NXN: variants seen among roughly 807,000 people sequenced by gnomAD.
The protein encoded by NXN is nucleoredoxin, also known as nucleoredoxin 1.
In NXN, 16 loss-of-function variants were observed where a neutral mutation model predicts 48.6. The observed-to-expected ratio is 0.33, with a 90% confidence interval of 0.22 to 0.50. The LOEUF is 0.50. Among genes scored for constraint, NXN ranks in the 20% least tolerant of loss-of-function variants. The probability of loss-of-function intolerance (pLI) is 0.98; values close to 1 mark genes in which losing one functional copy is unlikely to be tolerated. For synonymous variants in NXN, 281 were observed against 269.6 expected, an observed-to-expected ratio of 1.04 and a Z score of -0.41; for missense variants, 492 against 605.5, an observed-to-expected ratio of 0.81 and a Z score of 1.97.
At chr17:818,190 G>C (rs1453081683) in intron 5 of NXN, among the ~76,000 whole-genome samples, 1 of 152,072 alleles carries the variant, frequency 6.6e-6, no homozygotes, top group Non-Finnish European at 1.5e-5. Context: ...GAGCCCTGGA[G>C]GCAGAGGTTG....
chr17:893,303 G>A (rs2068443305), intron 1 of NXN, among the ~76,000 whole-genome samples: 1 of 152,200 alleles, frequency 6.6e-6, no homozygotes, highest in Non-Finnish European at 1.5e-5. Flanking sequence ...AATCTTTTTA[G>A]GGGAGAAAGC....
At chr17:930,697 T>C (rs2068844046) in intron 1 of NXN, among the ~76,000 whole-genome samples, 1 of 151,712 alleles carries the variant, frequency 6.6e-6, no homozygotes, top group African/African-American at 2.4e-5. Context: ...GGCATAAACA[T>C]GTTATTAAAT....
rs898674009 is a variant in NXN at position 806,954 on chromosome 17, G to A, written c.821-1707C>T. ...CACACACACACACACACACGCACGC[G>A]CCCACACACACATGCGGCCGGCTCT... On this transcript the variant is annotated intron_variant, in intron 5 of 7. Coordinates refer to ENST00000336868, the MANE Select transcript of NXN (RefSeq NM_022463.5). Among the ~76,000 whole-genome samples the A allele has an allele frequency of 4.0e-5, 6 of 151,484 alleles. No individual in the cohort carries two copies. The South Asian group carries it at 8.3e-4, about 21-fold the overall frequency.
chr17:951,882 C>G (rs1371023157), intron 1 of NXN, among the ~76,000 whole-genome samples: 1 of 152,166 alleles, frequency 6.6e-6, no homozygotes, highest in Non-Finnish European at 1.5e-5. Context: ...ACGGAGGGCA[C>G]CCGGGAAGGG....
chr17:975,734 T>G (rs1242174504), intron 1 of NXN, among the ~76,000 whole-genome samples: 1 of 152,224 alleles, frequency 6.6e-6, no homozygotes, highest in Non-Finnish European at 1.5e-5. Context: ...AAAGTTGAGC[T>G]CTGCGACTTT....
intron 1 of NXN, among the ~76,000 whole-genome samples, chr17:834,366 G>C (rs1913667625): frequency 6.6e-6 from 1 of 152,158 alleles, no homozygotes; most frequent in African/African-American, 2.4e-5. Context: ...GGAAAGACCA[G>C]ATGACTTTAC....
In NXN at chr17:822,392, GC is replaced by G. The variant is rs762432992; in HGVS notation, c.677del (p.Gly226AlafsTer62). 6.2e-7 allele frequency: 1 copy of G among 1,614,100 alleles called. No individual in the cohort carries two copies. Among genetic ancestry groups the G allele is most frequent in the Admixed American group, 1.7e-5 (1 of 60,012 alleles). ...TAACGAAGATGATCTCGAAGTTCTGGCCTGCCTCCTTGATCTTCCGGTAGGA... is the reference window on the plus strand; with the variant it reads ...TAACGAAGATGATCTCGAAGTTCTGGCTGCCTCCTTGATCTTCCGGTAGGA... ...VESYRKIKEA[G>X]QNFEIIFVSA... On this transcript the variant is annotated frameshift_variant, in exon 4 of 8. Transcript: ENST00000336868. LOFTEE classifies it high-confidence loss of function.
chr17:844,684 A>C (rs1224609830), intron 1 of NXN, among the ~76,000 whole-genome samples: 2 of 151,908 alleles, frequency 1.3e-5, no homozygotes, highest in African/African-American at 4.8e-5. Context: ...TCCCAGGTTC[A>C]AGCGATTCTC....
chr17:836,265 G>A (rs1032346579), intron 1 of NXN, among the ~76,000 whole-genome samples: 1 of 152,168 alleles, frequency 6.6e-6, no homozygotes, highest in African/African-American at 2.4e-5. Flanking sequence ...GCTCTTGACT[G>A]GGGAGCCTCA....
At chr17:938,683 CA>C (rs890706774) in intron 1 of NXN, among the ~76,000 whole-genome samples, 1 of 150,432 alleles carries the variant, frequency 6.6e-6, no homozygotes, top group East Asian at 2.0e-4. Flanking sequence ...GACACTGTCT[CA>C]AAAAACAAAA....
At chr17:913,852 T>TA (rs2068659761) in intron 1 of NXN, among the ~76,000 whole-genome samples, 1 of 152,232 alleles carries the variant, frequency 6.6e-6, no homozygotes, top group South Asian at 2.1e-4. Flanking sequence ...ACATTCATTA[T>TA]AACGGCGTGT....
intron 1 of NXN, among the ~76,000 whole-genome samples, chr17:873,492 C>CTAAAAAAAAAAA (rs1230477114): frequency 1.3e-5 from 1 of 74,274 alleles, no homozygotes. Context: ...GACACTGTCT[C>CTAAAAAAAAAAA]CAAAAAAAAA....
chr17:968,953 G>A (rs2069339594), intron 1 of NXN, among the ~76,000 whole-genome samples: 1 of 151,136 alleles, frequency 6.6e-6, no homozygotes, highest in Non-Finnish European at 1.5e-5. Flanking sequence ...AAGAAAGAAA[G>A]AAAGAAAAAG....
rs73279317 is a variant in NXN at position 975,383 on chromosome 17, T to C, written c.360+3936A>G. On this transcript the variant is annotated intron_variant, in intron 1 of 7. Transcript: ENST00000336868. ...TCAAGGAAGAGTGGCAGAGCTGGAG[T>C]TGTAAGAATGTTGAGGTTGCTACCA... Among the ~76,000 whole-genome samples the C allele has an allele frequency of 5.3e-3, 805 of 152,130 alleles. 9 individuals are homozygous for C. The highest frequency in any genetic ancestry group is 0.018 in the African/African-American group (762 of 41,456).
chr17:915,293 T>G (rs2068677087), intron 1 of NXN, among the ~76,000 whole-genome samples: 2 of 151,944 alleles, frequency 1.3e-5, no homozygotes, highest in Non-Finnish European at 2.9e-5. Context: ...CTCTAGGAAT[T>G]CTTTCTCTCT....
rs141910287 is a variant in NXN, at chr17:853,638, C to T, written c.361-27560G>A. ...CTCCCTCCCAAGTTTAGACCAGGTG[C>T]TGTATACATGTCCAAGCCCTAGTAC... On this transcript the variant is annotated intron_variant, in intron 1 of 7. Coordinates refer to ENST00000336868, the MANE Select transcript of NXN (RefSeq NM_022463.5). 4.1e-3 allele frequency among the ~76,000 whole-genome samples: 614 copies of T among 150,882 alleles called. 4 individuals are homozygous for T. The highest frequency in any genetic ancestry group is 0.014 in the African/African-American group (552 of 40,862).
intron 1 of NXN, among the ~76,000 whole-genome samples, chr17:845,989 A>G (rs573097939): frequency 4.6e-5 from 7 of 152,112 alleles, no homozygotes; most frequent in Non-Finnish European, 1.0e-4. Flanking sequence ...CTTGGAGGCC[A>G]GAGAATCACT....
At chr17:850,089 AAGAC>A (rs10540053) in intron 1 of NXN, among the ~76,000 whole-genome samples, 24,830 of 152,046 alleles carry the variant, frequency 0.16, 2,156 homozygotes, top group Middle Eastern at 0.29. Flanking sequence ...ACTCCTAACT[AAGAC>A]AGGTACGTGG....
At chr17:871,823 A>G (rs2068158284) in intron 1 of NXN, among the ~76,000 whole-genome samples, 2 of 152,146 alleles carry the variant, frequency 1.3e-5, no homozygotes, top group Admixed American at 6.6e-5. Context: ...AACACCTAAC[A>G]GTTACCCGCA....
Sources: allele counts gnomAD v4.1 joint callset (sites outside exome capture counted in the v4.1 genomes callset), GRCh38; gene constraint gnomAD v4.1.1; transcripts MANE v1.5; gene names NCBI Gene and HGNC (gene_info 2026-07-23, HGNC 2026-07-21).